MGST1: variants seen among roughly 807,000 people sequenced by gnomAD.
MGST1 encodes microsomal glutathione S-transferase 1.
Under a neutral mutation model 8.9 loss-of-function variants are expected in MGST1, and 5 were observed. The ratio of observed to expected loss-of-function variants is 0.56; its 90% CI spans 0.29 to 1.19. The LOEUF is 1.19. Ranked by LOEUF, MGST1 falls within the 50% of genes most tolerant of loss-of-function variation. The pLI is 0.08. For missense variants in MGST1, 182 were observed against 187.4 expected (o/e 0.97, Z 0.17); for synonymous variants, 54 against 67.8 (o/e 0.80, Z 1.00).
intron 4 of MGST1, among the ~76,000 whole-genome samples, chr12:16,479,900 C>T (rs1187350451): frequency 6.6e-6 from 1 of 152,024 alleles, no homozygotes; most frequent in Non-Finnish European, 1.5e-5. Flanking sequence ...CCCACATATG[C>T]CCCACCACCT....
At chr12:16,562,658 G>A (rs1942445180) in intron 4 of MGST1, among the ~76,000 whole-genome samples, 2 of 152,202 alleles carry the variant, frequency 1.3e-5, no homozygotes, top group African/African-American at 2.4e-5. Context: ...AATGTGGCAA[G>A]TTCAGTAATG....
chr12:16,585,644 T>G lies in MGST1; in HGVS notation n.483-3884T>G, dbSNP rs1943294883. 6.6e-6 allele frequency among the ~76,000 whole-genome samples: 1 copy of G among 152,134 alleles called. No individual in the cohort carries two copies. The highest frequency in any genetic ancestry group is 2.1e-4 in the South Asian group (1 of 4,834). Reference sequence around the variant, plus strand: ...TTTCTTTCCGTTGAAGTCCACCCATTCCAATTATTTAAGTGATTTCATTTG... The same window carrying G: ...TTTCTTTCCGTTGAAGTCCACCCATGCCAATTATTTAAGTGATTTCATTTG... On this transcript the variant is annotated intron_variant and non_coding_transcript_variant, in intron 4 of 4. Coordinates refer to the MGST1 transcript ENST00000538857. The surrounding 1 kb of genome is among the most constrained non-coding windows in gnomAD (Gnocchi z 4.7).
intron 4 of MGST1, among the ~76,000 whole-genome samples, chr12:16,543,855 C>A (rs140924681): frequency 1.3e-5 from 2 of 151,946 alleles, no homozygotes; most frequent in Non-Finnish European, 2.9e-5. Context: ...ATCAAGCTAA[C>A]CTTAAAAATA....
At chr12:16,398,605 G>A (rs575274009) in intron 1 of MGST1, among the ~76,000 whole-genome samples, 33 of 152,210 alleles carry the variant, frequency 2.2e-4, no homozygotes, top group Non-Finnish European at 2.6e-4. Context: ...ATTGTACCAT[G>A]TGTGCATTTG....
At chr12:16,425,427 T>C (rs1030025269) in intron 1 of MGST1, among the ~76,000 whole-genome samples, 25 of 152,050 alleles carry the variant, frequency 1.6e-4, no homozygotes, top group African/African-American at 5.3e-4. Context: ...AGATTACAGA[T>C]GTGAGCCACC....
chr12:16,421,991 G>A (rs544728544), intron 1 of MGST1, among the ~76,000 whole-genome samples: 1 of 152,236 alleles, frequency 6.6e-6, no homozygotes, highest in East Asian at 1.9e-4. Context: ...GGACATTTTT[G>A]GCAGCAGTGT....
rs192932497 is a variant in MGST1 at position 16,534,912 on chromosome 12, G to T, written n.483-54616G>T. 2.0e-3 allele frequency among the ~76,000 whole-genome samples: 309 copies of T among 152,242 alleles called. 4 individuals carry two copies. Among genetic ancestry groups the T allele is most frequent in the Admixed American group, 0.017 (254 of 15,296 alleles). ...AACACTACCAAATCTGATCAGAAAT[G>T]TAAGTCTAAACTACTTGTGGGAGAG... On this transcript the variant is annotated intron_variant and non_coding_transcript_variant, in intron 4 of 4. Coordinates refer to the MGST1 transcript ENST00000538857.
At chr12:16,535,229 G>T (rs1272377514) in intron 4 of MGST1, among the ~76,000 whole-genome samples, 1 of 152,152 alleles carries the variant, frequency 6.6e-6, no homozygotes, top group Non-Finnish European at 1.5e-5. Flanking sequence ...ACCCTAGGGT[G>T]GGATCCAAAA....
intron 1 of MGST1, among the ~76,000 whole-genome samples, chr12:16,416,101 G>T (rs1940786910): frequency 6.6e-6 from 1 of 151,832 alleles, no homozygotes; most frequent in Non-Finnish European, 1.5e-5. Flanking sequence ...ATTTTCATTT[G>T]GTTCTTTAAA....
intron 4 of MGST1, among the ~76,000 whole-genome samples, chr12:16,541,733 G>A (rs1483399831): frequency 6.6e-6 from 1 of 152,122 alleles, no homozygotes; most frequent in African/African-American, 2.4e-5. Context: ...GGAAGGAGAA[G>A]TGACGACATC....
At chr12:16,400,635 C>G (rs1940646968) in intron 1 of MGST1, 1 of 1,456,016 alleles carries the variant, frequency 6.9e-7, no homozygotes, top group Admixed American at 1.7e-5. Context: ...TATGTAATTT[C>G]TTTGACAAAA....
At chr12:16,431,961 G>A (rs1320026402) in intron 1 of MGST1, among the ~76,000 whole-genome samples, 1 of 151,974 alleles carries the variant, frequency 6.6e-6, no homozygotes, top group African/African-American at 2.4e-5. Context: ...TATTCCTATA[G>A]CATTTATAAA....
rs74377925 is a variant in MGST1, at chr12:16,546,316, T to C, written n.483-43212T>C. 0.024 allele frequency among the ~76,000 whole-genome samples: 3,700 copies of C among 152,236 alleles called. 87 individuals carry two copies. The highest frequency in any genetic ancestry group is 0.054 in the African/African-American group (2,227 of 41,552). ...TAATTTGTACTATGGCCACTAAATT[T>C]GGTATAGTTAATGCCAACCACTTTG... On this transcript the variant is annotated intron_variant and non_coding_transcript_variant, in intron 4 of 4. Coordinates refer to the MGST1 transcript ENST00000538857. The surrounding 1 kb of genome is among the most constrained non-coding windows in gnomAD (Gnocchi z 4.7).
downstream of MGST1, among the ~76,000 whole-genome samples, chr12:16,368,027 G>A (rs749520288): frequency 1.3e-4 from 20 of 149,484 alleles, no homozygotes; most frequent in Non-Finnish European, 7.4e-5. Context: ...GACTTGGCAT[G>A]TCTATGCTGA....
intron 4 of MGST1, among the ~76,000 whole-genome samples, chr12:16,562,107 A>G (rs1471380063): frequency 3.3e-5 from 5 of 152,178 alleles, no homozygotes; most frequent in Non-Finnish European, 7.3e-5. Context: ...CGAAAATGTA[A>G]TATCTTAATT....
downstream of MGST1, among the ~76,000 whole-genome samples, chr12:16,380,012 A>G (rs974379008): frequency 6.6e-6 from 1 of 151,918 alleles, no homozygotes; most frequent in Non-Finnish European, 1.5e-5. Flanking sequence ...ATCATTTTTT[A>G]TTGCATCTAT....
intron 4 of MGST1, among the ~76,000 whole-genome samples, chr12:16,443,952 C>T (rs1011828330): frequency 2.0e-5 from 3 of 151,906 alleles, no homozygotes; most frequent in Non-Finnish European, 2.9e-5. Flanking sequence ...AAGTTGTCAA[C>T]TTGCCACTAA....
chr12:16,588,827 T>C (rs1360145726), intron 4 of MGST1, among the ~76,000 whole-genome samples: 1 of 152,022 alleles, frequency 6.6e-6, no homozygotes, highest in Admixed American at 6.6e-5. Flanking sequence ...TCTTCAATCT[T>C]CTCCTCATGT....
intron 1 of MGST1, among the ~76,000 whole-genome samples, chr12:16,402,775 C>A (rs1401291090): frequency 6.6e-6 from 1 of 151,558 alleles, no homozygotes; most frequent in Non-Finnish European, 1.5e-5. Flanking sequence ...TTTTAAAAAC[C>A]CAACTTTCAC....
Sources: allele counts gnomAD v4.1 joint callset (sites outside exome capture counted in the v4.1 genomes callset), GRCh38; gene constraint gnomAD v4.1.1; non-coding constraint Gnocchi (gnomAD v3.1); transcripts MANE v1.5; gene names NCBI Gene and HGNC (gene_info 2026-07-23, HGNC 2026-07-21).